The following MATCAP2 variants were observed in gnomAD, a reference collection of about 807,000 sequenced individuals.
MATCAP2 encodes putative tyrosine carboxypeptidase MATCAP2.
chr7:36,333,987 G>A, the MATCAP2 span: 5 of 1,614,122 alleles, frequency 3.1e-6, no homozygotes, highest in South Asian at 5.5e-5. Flanking sequence ...TTGATAAACA[G>A]TGTAGTAGAG....
the MATCAP2 span, chr7:36,326,761 T>C: frequency 1.5e-5 from 24 of 1,610,178 alleles, no homozygotes; most frequent in Non-Finnish European, 1.8e-5. Flanking sequence ...CGCTAATTAC[T>C]ATATAAGATC....
chr7:36,329,242 T>A, the MATCAP2 span, among the ~76,000 whole-genome samples: 1 of 152,158 alleles, frequency 6.6e-6, no homozygotes, highest in Admixed American at 6.5e-5. Context: ...AAAGATTAAA[T>A]ATACTGACAT....
the MATCAP2 span, among the ~76,000 whole-genome samples, chr7:36,339,806 ATCTC>A: frequency 6.6e-6 from 1 of 152,212 alleles, no homozygotes; most frequent in Non-Finnish European, 1.5e-5. Flanking sequence ...GTTAAAAATT[ATCTC>A]TAAGAAGTAT....
chr7:36,359,268 T>C, the MATCAP2 span, among the ~76,000 whole-genome samples: 1 of 152,226 alleles, frequency 6.6e-6, no homozygotes, highest in African/African-American at 2.4e-5. Flanking sequence ...TATTGACATC[T>C]AGCAGGTAAA....
At chr7:36,366,015 T>C in the MATCAP2 span, among the ~76,000 whole-genome samples, 1 of 152,186 alleles carries the variant, frequency 6.6e-6, no homozygotes. Flanking sequence ...ATCATAAATA[T>C]TTTCACTGGA....
At chr7:36,328,392 C>CT in the MATCAP2 span, among the ~76,000 whole-genome samples, 15 of 151,896 alleles carry the variant, frequency 9.9e-5, no homozygotes, top group South Asian at 2.9e-3. Flanking sequence ...ACACAGTTGA[C>CT]TTTAAAAACT....
the MATCAP2 span, among the ~76,000 whole-genome samples, chr7:36,351,066 C>T: frequency 6.6e-6 from 1 of 152,174 alleles, no homozygotes; most frequent in South Asian, 2.1e-4. Context: ...TACTTCCTAA[C>T]ATAATGAAGT....
the MATCAP2 span, among the ~76,000 whole-genome samples, chr7:36,340,322 G>A: frequency 1.4e-4 from 21 of 152,254 alleles, no homozygotes; most frequent in South Asian, 4.1e-4. Flanking sequence ...TTAAATACAC[G>A]TGTTCCTTGT....
the MATCAP2 span, among the ~76,000 whole-genome samples, chr7:36,361,752 C>CAAAA: frequency 6.6e-6 from 1 of 152,048 alleles, no homozygotes; most frequent in Non-Finnish European, 1.5e-5. Context: ...AACAAACAAA[C>CAAAA]AAAAACACCT....
chr7:36,390,183 G>T, the MATCAP2 span: 5 of 1,464,042 alleles, frequency 3.4e-6, no homozygotes, highest in Admixed American at 2.0e-5. Context: ...GCGGGCCGGG[G>T]TCGCCGCGGC....
the MATCAP2 span, among the ~76,000 whole-genome samples, chr7:36,329,957 G>A: frequency 6.6e-6 from 1 of 151,462 alleles, no homozygotes; most frequent in Non-Finnish European, 1.5e-5. Context: ...TAGTATTCTT[G>A]GCAAAAATGT....
At chr7:36,376,490 T>C in the MATCAP2 span, among the ~76,000 whole-genome samples, 6,087 of 152,318 alleles carry the variant, frequency 0.04, 177 homozygotes, top group African/African-American at 0.071. Flanking sequence ...TTACATTTGC[T>C]GAGGATTGCT....
At chr7:36,326,092 AAT>A in the MATCAP2 span, 1 of 152,148 alleles carries the variant, frequency 6.6e-6, no homozygotes, top group African/African-American at 2.4e-5. Flanking sequence ...AAAAGGGTAC[AAT>A]ATGTTTCAGC....
chr7:36,354,475 C>T, the MATCAP2 span, among the ~76,000 whole-genome samples: 1 of 152,214 alleles, frequency 6.6e-6, no homozygotes, highest in African/African-American at 2.4e-5. Context: ...ACTCAAGAGA[C>T]TGTCAGCTGT....
the MATCAP2 span, among the ~76,000 whole-genome samples, chr7:36,389,346 A>G: frequency 6.6e-6 from 1 of 151,764 alleles, no homozygotes; most frequent in Admixed American, 6.6e-5. Flanking sequence ...TGTCCTGCCA[A>G]CACAAGGGCT....
chr7:36,330,445 G>A, the MATCAP2 span, among the ~76,000 whole-genome samples: 1 of 151,782 alleles, frequency 6.6e-6, no homozygotes, highest in Non-Finnish European at 1.5e-5. Flanking sequence ...ATGAGGCAAG[G>A]GGAGACTATC....
chr7:36,367,266 G>C, the MATCAP2 span: 2 of 1,061,302 alleles, frequency 1.9e-6, no homozygotes, highest in Non-Finnish European at 1.1e-6. Flanking sequence ...CGCGCGCTGC[G>C]CTTCACGGAG....
chr7:36,366,950 G>A, the MATCAP2 span: 13 of 1,359,360 alleles, frequency 9.6e-6, no homozygotes, highest in Middle Eastern at 2.6e-4. Context: ...TCGTCGCCCC[G>A]AGGCCCGGGG....
the MATCAP2 span, among the ~76,000 whole-genome samples, chr7:36,381,286 T>C: frequency 6.6e-6 from 1 of 152,048 alleles, no homozygotes; most frequent in East Asian, 1.9e-4. Context: ...CAAGTGTTGA[T>C]TGGAGTCCAT....
Sources: allele counts gnomAD v4.1 joint callset (sites outside exome capture counted in the v4.1 genomes callset), GRCh38; gene constraint gnomAD v4.1.1; transcripts MANE v1.5; gene names NCBI Gene and HGNC (gene_info 2026-07-23, HGNC 2026-07-21).